The following LIN28B variants were observed in gnomAD, a reference collection of about 807,000 sequenced individuals.
LIN28B encodes the protein lin-28 RNA binding posttranscriptional regulator B.
LIN28B carries 5 observed loss-of-function variants against 21.9 expected under a neutral mutation model. That is an observed-to-expected ratio of 0.23 (90% CI 0.12 to 0.48). The LOEUF is 0.48. LIN28B is among the 20% of genes least tolerant of loss of function. The probability of loss-of-function intolerance (pLI) is 0.98; values close to 1 mark genes in which losing one functional copy is unlikely to be tolerated. For missense variants in LIN28B, 245 were observed against 310.5 expected (o/e 0.79, Z 1.58); for synonymous variants, 109 against 111.3 (o/e 0.98, Z 0.13).
upstream of LIN28B, among the ~76,000 whole-genome samples, chr6:104,953,577 A>G (rs1472128639): frequency 6.6e-6 from 1 of 152,224 alleles, no homozygotes; most frequent in Admixed American, 6.5e-5. Flanking sequence ...CAGCCTTTGG[A>G]TCTACCCCAC....
chr6:105,058,603 C>T (rs994949684), intron 3 of LIN28B, among the ~76,000 whole-genome samples: 1 of 152,228 alleles, frequency 6.6e-6, no homozygotes, highest in African/African-American at 2.4e-5. Flanking sequence ...CTAAGCATCA[C>T]TGACTTTTCA....
chr6:105,035,059 A>AT lies in LIN28B; in HGVS notation c.383+8582dup, dbSNP rs140088284. On this transcript the variant is annotated intron_variant, in intron 3 of 3. Transcript: ENST00000345080. ...CATTATCTCAGTGGTATAATTTGAC[A>AT]TTTTTCCAGGTACTTTATGCTTGGG... 4.7e-3 allele frequency among the ~76,000 whole-genome samples: 706 copies of AT among 151,712 alleles called. 7 individuals are homozygous for AT. Among genetic ancestry groups the AT allele is most frequent in the African/African-American group, 0.016 (673 of 41,378 alleles).
chr6:105,075,565 C>T (rs190642025), intron 3 of LIN28B, among the ~76,000 whole-genome samples: 1 of 152,156 alleles, frequency 6.6e-6, no homozygotes. Context: ...AAAGTCTGGC[C>T]TAATGATAGC....
intron 2 of LIN28B, among the ~76,000 whole-genome samples, chr6:104,969,141 G>A (rs1769922868): frequency 6.6e-6 from 1 of 152,008 alleles, no homozygotes; most frequent in African/African-American, 2.4e-5. Context: ...GCTCCTTTCA[G>A]GGGTTGATTA....
chr6:105,006,643 A>T (rs910529308), intron 2 of LIN28B, among the ~76,000 whole-genome samples: 2 of 151,948 alleles, frequency 1.3e-5, no homozygotes, highest in African/African-American at 4.8e-5. Context: ...ATGACCCCAA[A>T]TTTTCAGTGG....
At chr6:105,030,592 C>CTTTTTTTTTTTTTTT (rs980799980) in intron 3 of LIN28B, among the ~76,000 whole-genome samples, 1 of 106,596 alleles carries the variant, frequency 9.4e-6, no homozygotes, top group Admixed American at 1.0e-4. Context: ...TTCTTTCTTT[C>CTTTTTTTTTTTTTTT]TTTTTTTTTT....
chr6:105,034,989 G>A (rs1032624677), intron 3 of LIN28B, among the ~76,000 whole-genome samples: 5 of 151,582 alleles, frequency 3.3e-5, no homozygotes, highest in African/African-American at 1.2e-4. Context: ...TGGTAATTCT[G>A]CCCCACTCCC....
In LIN28B at chr6:105,079,647, A is replaced by G. The variant is rs530266079; in HGVS notation, c.*864A>G. ...ATATCAGCTTCTTGTAACCTTTTCC[A>G]TGTTGTGAGGGTTGTAAGGGATTGT... On this transcript the variant is annotated 3_prime_UTR_variant, in exon 4 of 4. Coordinates refer to ENST00000345080, the MANE Select transcript of LIN28B (RefSeq NM_001004317.4). 1.3e-5 allele frequency: 2 copies of G among 152,578 alleles called. No homozygotes were observed. The highest frequency in any genetic ancestry group is 4.8e-5 in the African/African-American group (2 of 41,536). The allele number at this position is 152,578 out of a possible 1,614,324, so 9.5% of individuals were successfully genotyped here. A position where few individuals can be genotyped will look rare whatever the true frequency, so the allele number is the denominator to read the frequency against.
chr6:104,952,197 ATTAT>A (rs1408545125), upstream of LIN28B, among the ~76,000 whole-genome samples: 2 of 152,206 alleles, frequency 1.3e-5, no homozygotes, highest in Non-Finnish European at 2.9e-5. Flanking sequence ...GTATATTAAC[ATTAT>A]TTAGTGTTTG....
chr6:105,019,226 G>A (rs1410135928), intron 2 of LIN28B, among the ~76,000 whole-genome samples: 1 of 152,186 alleles, frequency 6.6e-6, no homozygotes, highest in African/African-American at 2.4e-5. Flanking sequence ...GGGATTACAG[G>A]CGTGAGCCAC....
In LIN28B at chr6:104,968,474, G is replaced by A. The variant is rs200403880; in HGVS notation, c.198+10188G>A. The stretch of plus-strand genomic sequence containing the variant: ...GTAATATACTTAATTTCTACCAGCT[G>A]CTTTAAATCTTTGTCATAACAGCCC... On this transcript the variant is annotated intron_variant, in intron 2 of 3. Coordinates refer to ENST00000345080, the MANE Select transcript of LIN28B (RefSeq NM_001004317.4). Among the ~76,000 whole-genome samples the A allele has an allele frequency of 1.8e-4, 28 of 152,186 alleles. No individual in the cohort carries two copies. The East Asian group carries it at 5.4e-3, about 29-fold the overall frequency.
intron 2 of LIN28B, among the ~76,000 whole-genome samples, chr6:105,023,460 A>T (rs1180350566): frequency 9.3e-4 from 1 of 1,070 alleles, no homozygotes. Context: ...TAATTATATT[A>T]TATATAATAT....
rs9391259 is a variant in LIN28B at position 104,997,548 on chromosome 6, C to T, written c.199-28750C>T. 9.2e-5 allele frequency among the ~76,000 whole-genome samples: 14 copies of T among 151,724 alleles called. 1 individual carries two copies. In the East Asian group the frequency reaches 2.1e-3, roughly 23 times the overall value. ...AACAAAAATATGTAACACCCGCCCC[C>T]CCCCGCCACACACACACGTTATTTC... is the stretch of plus-strand genomic sequence containing the variant. On this transcript the variant is annotated intron_variant, in intron 2 of 3. Coordinates refer to ENST00000345080, the MANE Select transcript of LIN28B (RefSeq NM_001004317.4).
At chr6:105,037,113 G>A (rs145329161) in intron 3 of LIN28B, among the ~76,000 whole-genome samples, 276 of 152,198 alleles carry the variant, frequency 1.8e-3, no homozygotes, top group African/African-American at 6.3e-3. Flanking sequence ...ATCTGTTCCT[G>A]TGTGAACAGA....
At chr6:104,990,858 T>G (rs2114267697) in intron 2 of LIN28B, among the ~76,000 whole-genome samples, 1 of 152,292 alleles carries the variant, frequency 6.6e-6, no homozygotes, top group East Asian at 1.9e-4. Flanking sequence ...AGCACATGTT[T>G]CAGAGAGCAC....
intron 2 of LIN28B, among the ~76,000 whole-genome samples, chr6:105,008,880 G>A (rs1003324986): frequency 6.6e-6 from 1 of 152,076 alleles, no homozygotes; most frequent in Non-Finnish European, 1.5e-5. Flanking sequence ...AGCTCTAAGG[G>A]TAGTTATTTT....
intron 2 of LIN28B, among the ~76,000 whole-genome samples, chr6:104,979,448 A>G (rs1030377851): frequency 6.6e-6 from 1 of 152,154 alleles, no homozygotes; most frequent in Non-Finnish European, 1.5e-5. Context: ...ACCTCAAGTC[A>G]TCCACCCGCC....
chr6:104,984,273 G>A (rs1015179372), intron 2 of LIN28B, among the ~76,000 whole-genome samples: 7 of 152,012 alleles, frequency 4.6e-5, no homozygotes, highest in Non-Finnish European at 1.0e-4. Flanking sequence ...TTGTGTGTAT[G>A]TGTTACACAT....
At chr6:104,946,955 T>C (rs971991335) in intron 2 of LIN28B, among the ~76,000 whole-genome samples, 4 of 152,184 alleles carry the variant, frequency 2.6e-5, no homozygotes, top group African/African-American at 9.6e-5. Context: ...GTGAATACTA[T>C]TCCTGATTGT....
Sources: allele counts gnomAD v4.1 joint callset (sites outside exome capture counted in the v4.1 genomes callset), GRCh38; gene constraint gnomAD v4.1.1; transcripts MANE v1.5; gene names NCBI Gene and HGNC (gene_info 2026-07-23, HGNC 2026-07-21).